Variants in CSMD1 observed in about 807,000 individuals in gnomAD.
CSMD1 encodes CUB and sushi domain-containing protein 1.
Under a neutral mutation model 417.5 loss-of-function variants are expected in CSMD1, and 213 were observed. The ratio of observed to expected loss-of-function variants is 0.51; its 90% CI spans 0.46 to 0.57. CSMD1 has a LOEUF of 0.57. Ranked by LOEUF, CSMD1 falls within the 20% of genes least tolerant of loss-of-function variation. The pLI is 0.00. For synonymous variants in CSMD1, 2,862 were observed against 1,736.8 expected, an observed-to-expected ratio of 1.65 and a Z score of -16.11; for missense variants, 6,923 against 4,529.7, an observed-to-expected ratio of 1.53 and a Z score of -15.17.
At chr8:3,382,831 G>A (rs1050641464) in intron 18 of CSMD1, among the ~76,000 whole-genome samples, 2 of 151,752 alleles carry the variant, frequency 1.3e-5, no homozygotes, top group Non-Finnish European at 2.9e-5. Flanking sequence ...AACTTTTAGT[G>A]TGCATATAGC....
intron 1 of CSMD1, among the ~76,000 whole-genome samples, chr8:4,791,606 G>C (rs368123188): frequency 6.6e-6 from 1 of 152,186 alleles, no homozygotes. Context: ...ACCTTAAGCA[G>C]CAATGTTACC....
chr8:4,583,151 G>A (rs946592185), intron 2 of CSMD1, among the ~76,000 whole-genome samples: 3 of 152,102 alleles, frequency 2.0e-5, no homozygotes, highest in Admixed American at 6.5e-5. Context: ...CCTCCCCAAC[G>A]AGCACCATCC....
At chr8:4,040,454 A>G (rs1181732313) in intron 3 of CSMD1, among the ~76,000 whole-genome samples, 1 of 152,216 alleles carries the variant, frequency 6.6e-6, no homozygotes, top group Non-Finnish European at 1.5e-5. Context: ...GAGCTTGCAT[A>G]TGATGATGGA....
intron 1 of CSMD1, among the ~76,000 whole-genome samples, chr8:4,846,598 A>G (rs148426863): frequency 8.7e-4 from 132 of 152,336 alleles, no homozygotes; most frequent in Non-Finnish European, 1.6e-3. Flanking sequence ...TAGGAGGCTC[A>G]GCCTTGGTGA....
intron 43 of CSMD1, 68 bp downstream of exon 43, chr8:3,110,090 G>T (rs1268339144): frequency 2.4e-6 from 3 of 1,274,412 alleles, no homozygotes; most frequent in Non-Finnish European, 2.1e-6. Flanking sequence ...TATATAAGTG[G>T]CATATGTATG....
chr8:3,624,112 T>G (rs1796385470), intron 7 of CSMD1, among the ~76,000 whole-genome samples: 1 of 152,338 alleles, frequency 6.6e-6, no homozygotes, highest in African/African-American at 2.4e-5. Context: ...TTCTTAAAAG[T>G]TGCCTTCCTT....
At chr8:4,177,133 T>C (rs1324535156) in intron 3 of CSMD1, among the ~76,000 whole-genome samples, 2 of 152,272 alleles carry the variant, frequency 1.3e-5, no homozygotes, top group African/African-American at 4.8e-5. Flanking sequence ...ATACATGTTT[T>C]TCAGCACCAC....
Position 4,596,936 on chromosome 8 carries a change from TG to T in CSMD1, c.302+40405del, listed in dbSNP as rs1395935323. ...TGGGTTTATCAGGGGTTTCCGCTTT[TG>T]TTTCTTCCTCATTTTCTCTTGCCAC... On this transcript the variant is annotated intron_variant, in intron 2 of 69. Coordinates refer to ENST00000635120, the MANE Select transcript of CSMD1 (RefSeq NM_033225.6). Among the ~76,000 whole-genome samples the T allele has an allele frequency of 2.6e-4, 39 of 152,324 alleles. No homozygotes were observed. In the South Asian group the frequency reaches 5.0e-3, roughly 19 times the overall value.
At chr8:4,982,494 G>A (rs541645128) in intron 1 of CSMD1, among the ~76,000 whole-genome samples, 11 of 152,246 alleles carry the variant, frequency 7.2e-5, no homozygotes, top group African/African-American at 1.9e-4. Flanking sequence ...TGTCATTAAA[G>A]GCATTAAAAA....
intron 3 of CSMD1, among the ~76,000 whole-genome samples, chr8:4,055,153 T>G: frequency 6.6e-6 from 1 of 152,316 alleles, no homozygotes; most frequent in African/African-American, 2.4e-5. Flanking sequence ...TCAGAAACTG[T>G]TTGAAATATG....
intron 5 of CSMD1, among the ~76,000 whole-genome samples, chr8:3,875,485 G>A (rs926128181): frequency 1.3e-5 from 2 of 152,080 alleles, no homozygotes; most frequent in Non-Finnish European, 2.9e-5. Flanking sequence ...GGGTTCCGAG[G>A]GTCACTGGCA....
intron 47 of CSMD1, among the ~76,000 whole-genome samples, chr8:3,095,944 A>G (rs1815264565): frequency 6.6e-6 from 1 of 152,194 alleles, no homozygotes; most frequent in Non-Finnish European, 1.5e-5. Flanking sequence ...ATATTTCACT[A>G]TTTCAAAGAA....
chr8:3,535,814 G>C (rs1017697348), intron 10 of CSMD1, among the ~76,000 whole-genome samples: 2 of 152,138 alleles, frequency 1.3e-5, no homozygotes, highest in Non-Finnish European at 1.5e-5. Flanking sequence ...ATTCCTTGCA[G>C]TTTCCTCTCC....
chr8:3,860,705 C>G (rs909515185), intron 5 of CSMD1, among the ~76,000 whole-genome samples: 1 of 152,144 alleles, frequency 6.6e-6, no homozygotes, highest in Non-Finnish European at 1.5e-5. Context: ...GTAAGATGAA[C>G]TAAATGCAAT....
intron 10 of CSMD1, among the ~76,000 whole-genome samples, chr8:3,562,417 A>ACACACACGTACACACATGCAT (rs1554470709): frequency 6.9e-6 from 1 of 145,330 alleles, no homozygotes; most frequent in African/African-American, 2.6e-5. Context: ...CACATGCACA[A>ACACACACGTACACACATGCAT]ACACACATGC....
chr8:4,530,314 C>CTTTTTTT lies in CSMD1; in HGVS notation c.302+107021_302+107027dup, dbSNP rs759268228. The stretch of plus-strand genomic sequence containing the variant: ...TTCACAGTTTATCGTACAGGTAGTG[C>CTTTTTTT]TTTTTTTTTTTTTTTTTTTTTTTTT... On this transcript the variant is annotated intron_variant, in intron 2 of 69. Transcript: ENST00000635120. Among the ~76,000 whole-genome samples the CTTTTTTT allele has an allele frequency of 2.6e-3, 121 of 46,686 alleles. 13 individuals are homozygous for CTTTTTTT. Among genetic ancestry groups the CTTTTTTT allele is most frequent in the East Asian group, 4.4e-3 (6 of 1,350 alleles). The allele number at this position is 46,686 out of a possible 152,430, so 30.6% of individuals were successfully genotyped here. A position where few individuals can be genotyped will look rare whatever the true frequency, so the allele number is the denominator to read the frequency against.
Position 4,173,622 on chromosome 8 carries a change from G to A in CSMD1, c.416-141523C>T, listed in dbSNP as rs536453665. 2.2e-3 allele frequency among the ~76,000 whole-genome samples: 336 copies of A among 152,182 alleles called. 2 individuals are homozygous for A. In the Middle Eastern group the frequency reaches 0.024, roughly 11 times the overall value. On this transcript the variant is annotated intron_variant, in intron 3 of 69. Transcript: ENST00000635120. ...AAAGTTATTAGATACATAGCTTTGT[G>A]GAAGTTCGGAAACACTGAATGCCAC...
At chr8:4,959,833 C>A (rs1006167522) in intron 1 of CSMD1, among the ~76,000 whole-genome samples, 1 of 152,188 alleles carries the variant, frequency 6.6e-6, no homozygotes, top group African/African-American at 2.4e-5. Flanking sequence ...AACTACCTAA[C>A]CATTTAACAG....
Position 3,249,728 on chromosome 8 carries a change from A to C in CSMD1, c.4154-19497T>G, listed in dbSNP as rs140998107. ...ATAATAGACATTTATAATAAGCTCC[A>C]AGAAGCAAGAGAATGTGTTTATTTC... On this transcript the variant is annotated intron_variant, in intron 26 of 69. Transcript: ENST00000635120. Among the ~76,000 whole-genome samples the C allele has an allele frequency of 2.4e-3, 347 of 146,770 alleles. 2 individuals are homozygous for C. Among genetic ancestry groups the C allele is most frequent in the African/African-American group, 8.2e-3 (329 of 39,920 alleles).
Sources: gnomAD v4.1 joint callset for allele counts (sites outside exome capture counted in the v4.1 genomes callset) on GRCh38, gnomAD v4.1.1 for gene constraint, MANE v1.5 for transcripts, NCBI Gene and HGNC (gene_info 2026-07-23, HGNC 2026-07-21) for gene names.